Variants in AKT3 observed in about 807,000 individuals in gnomAD.
AKT3 encodes AKT serine/threonine kinase 3, also known as RAC-gamma serine/threonine-protein kinase.
AKT3 carries 15 observed loss-of-function variants against 65.3 expected under a neutral mutation model. The ratio of observed to expected loss-of-function variants is 0.23; its 90% CI spans 0.15 to 0.35. The LOEUF is 0.35. AKT3 is among the 10% of genes least tolerant of loss of function. The probability of loss-of-function intolerance (pLI) is 1.00; values close to 1 mark genes in which losing one functional copy is unlikely to be tolerated. For synonymous variants in AKT3, 206 were observed against 183.8 expected (o/e 1.12, Z -0.98); for missense variants, 243 against 576.5 (o/e 0.42, Z 5.92).
chr1:243,789,244 G>C (rs1158905523), intron 2 of AKT3, among the ~76,000 whole-genome samples: 1 of 152,176 alleles, frequency 6.6e-6, no homozygotes, highest in Non-Finnish European at 1.5e-5. Context: ...AAATTAGCCA[G>C]GCACAGTGGT....
At chr1:243,641,472 A>G (rs1476972676) in intron 5 of AKT3, among the ~76,000 whole-genome samples, 1 of 151,770 alleles carries the variant, frequency 6.6e-6, no homozygotes, top group Admixed American at 6.6e-5. Context: ...TTTTTATTTA[A>G]AAGCACTAGA....
chr1:243,767,432 A>C (rs1474722139), intron 2 of AKT3, among the ~76,000 whole-genome samples: 1 of 152,176 alleles, frequency 6.6e-6, no homozygotes, highest in Admixed American at 6.5e-5. Flanking sequence ...GCATAGACTA[A>C]TATATGAACC....
At chr1:243,597,576 C>T (rs1211812273) in intron 8 of AKT3, among the ~76,000 whole-genome samples, 1 of 152,212 alleles carries the variant, frequency 6.6e-6, no homozygotes, top group African/African-American at 2.4e-5. Flanking sequence ...TGATGGCTCA[C>T]TGCAGCCTCA....
chr1:243,499,509 G>A (rs111278821), downstream of AKT3, among the ~76,000 whole-genome samples: 147 of 152,330 alleles, frequency 9.7e-4, 2 homozygotes, highest in African/African-American at 3.3e-3. Flanking sequence ...AGAGGCAGGC[G>A]TGTCTTTTGT....
intron 3 of AKT3, among the ~76,000 whole-genome samples, chr1:243,691,754 G>A (rs1446700973): frequency 6.6e-6 from 1 of 152,158 alleles, no homozygotes; most frequent in Non-Finnish European, 1.5e-5. Context: ...TCTAGGTAGA[G>A]ATGTCCAGCA....
intron 12 of AKT3, among the ~76,000 whole-genome samples, chr1:243,526,480 C>A (rs1418398161): frequency 1.3e-5 from 2 of 152,008 alleles, no homozygotes; most frequent in South Asian, 4.1e-4. Flanking sequence ...TGTTCCGTCA[C>A]GTCTATCCTC....
rs1167074630 is a variant in AKT3, at chr1:243,603,061, T to C, written c.696+10610A>G. Among the ~76,000 whole-genome samples the C allele has an allele frequency of 3.9e-5, 6 of 152,220 alleles. No individual in the cohort carries two copies. The South Asian group carries it at 1.2e-3, about 32-fold the overall frequency. Reference sequence around the variant, plus strand: ...GTCTACTTTATTCTCCCAGGATATTTTTCTGCTTCTCATGTAAATTTAGTA... The same window carrying C: ...GTCTACTTTATTCTCCCAGGATATTCTTCTGCTTCTCATGTAAATTTAGTA... On this transcript the variant is annotated intron_variant, in intron 8 of 13. Coordinates refer to ENST00000673466, the MANE Select transcript of AKT3 (RefSeq NM_005465.7).
intron 13 of AKT3, among the ~76,000 whole-genome samples, chr1:243,491,198 T>G (rs1388431520): frequency 6.6e-6 from 1 of 152,234 alleles, no homozygotes; most frequent in Non-Finnish European, 1.5e-5. Flanking sequence ...TCACCGATGC[T>G]TAGAAGCTTC....
In AKT3 at chr1:243,503,310, T is replaced by C. The variant is rs1048002666; in HGVS notation, c.*1939A>G. On this transcript the variant is annotated 3_prime_UTR_variant, in exon 14 of 14. Transcript: ENST00000673466. ...CCACCCACTGCCAGCAGTGGTTTCA[T>C]AGCTATAAATCCACACTTCCAGCGT... The C allele has an allele frequency of 1.5e-4, 36 of 233,716 alleles. No individual in the cohort carries two copies. The highest frequency in any genetic ancestry group is 1.2e-3 in the East Asian group (20 of 16,594). 14.5% of individuals were successfully genotyped at this position (233,716 alleles called of 1,614,324 possible). A position where few individuals can be genotyped will look rare whatever the true frequency, so the allele number is the denominator to read the frequency against.
At chr1:243,704,435 G>T (rs1685663285) in intron 2 of AKT3, among the ~76,000 whole-genome samples, 1 of 152,092 alleles carries the variant, frequency 6.6e-6, no homozygotes, top group South Asian at 2.1e-4. Flanking sequence ...GGGATGAGTT[G>T]ACTAATTAAA....
chr1:243,539,308 T>C (rs72619760), intron 12 of AKT3, among the ~76,000 whole-genome samples: 84 of 152,270 alleles, frequency 5.5e-4, no homozygotes, highest in Admixed American at 1.5e-3. Context: ...ATAGTAAATA[T>C]ATTTCCTCTT....
intron 2 of AKT3, among the ~76,000 whole-genome samples, chr1:243,769,052 A>G (rs1200609381): frequency 6.6e-6 from 1 of 152,052 alleles, no homozygotes; most frequent in African/African-American, 2.4e-5. Context: ...TTCTGTCCCT[A>G]AGGATTTTCC....
At chr1:243,711,560 A>T (rs1686160045) in intron 2 of AKT3, among the ~76,000 whole-genome samples, 1 of 152,156 alleles carries the variant, frequency 6.6e-6, no homozygotes, top group Non-Finnish European at 1.5e-5. Context: ...TGGTATTCTT[A>T]TTCTATGATA....
chr1:243,561,444 C>T (rs937966285), intron 10 of AKT3, among the ~76,000 whole-genome samples: 3 of 152,210 alleles, frequency 2.0e-5, no homozygotes, highest in East Asian at 3.9e-4. Flanking sequence ...GCTTTATAGT[C>T]AGACACACTA....
chr1:243,747,159 G>C (rs1688519523), intron 2 of AKT3, among the ~76,000 whole-genome samples: 1 of 152,134 alleles, frequency 6.6e-6, no homozygotes, highest in South Asian at 2.1e-4. Context: ...AGAGAGTGTA[G>C]ATGGCTATTA....
intron 4 of AKT3, among the ~76,000 whole-genome samples, chr1:243,658,842 A>G (rs1682030230): frequency 6.7e-6 from 1 of 149,518 alleles, no homozygotes; most frequent in Non-Finnish European, 1.5e-5. Context: ...AGCCCTGGCA[A>G]CACAGAGAAA....
At chr1:243,599,620 G>A (rs915721158) in intron 8 of AKT3, among the ~76,000 whole-genome samples, 1 of 152,054 alleles carries the variant, frequency 6.6e-6, no homozygotes, top group East Asian at 1.9e-4. Flanking sequence ...TAAGAACAAA[G>A]AAGCAGAGCT....
At chr1:243,644,464 A>G (rs1030275160) in intron 5 of AKT3, among the ~76,000 whole-genome samples, 3 of 152,116 alleles carry the variant, frequency 2.0e-5, no homozygotes, top group Admixed American at 2.0e-4. Context: ...TAATCCTTCC[A>G]TCCTTTATTT....
intron 2 of AKT3, among the ~76,000 whole-genome samples, chr1:243,758,154 C>G (rs1268413213): frequency 6.6e-6 from 1 of 152,222 alleles, no homozygotes; most frequent in Non-Finnish European, 1.5e-5. Context: ...GCCAGACTCT[C>G]TGACAGGCAC....
Sources: allele counts gnomAD v4.1 joint callset (sites outside exome capture counted in the v4.1 genomes callset), GRCh38; gene constraint gnomAD v4.1.1; transcripts MANE v1.5; gene names NCBI Gene and HGNC (gene_info 2026-07-23, HGNC 2026-07-21).